Variants in ZNF727 observed in about 807,000 individuals in gnomAD.
ZNF727 encodes the protein putative zinc finger protein 727.
ZNF727 carries 11 observed loss-of-function variants against 11.5 expected under a neutral mutation model. The observed-to-expected ratio is 0.95, with a 90% confidence interval of 0.60 to 1.58. The LOEUF (loss-of-function observed/expected upper bound fraction) is 1.58, where lower values mean the gene tolerates loss of function less well. ZNF727 is among the 40% of genes most tolerant of loss of function. ZNF727 has a pLI of 0.00. For synonymous variants in ZNF727, 171 were observed against 196.1 expected, an observed-to-expected ratio of 0.87 and a Z score of 1.07; for missense variants, 533 against 581.7, an observed-to-expected ratio of 0.92 and a Z score of 0.86.
chr7:64,071,597 G>A (rs1319422631), intron 3 of ZNF727, among the ~76,000 whole-genome samples: 5 of 151,900 alleles, frequency 3.3e-5, no homozygotes, highest in African/African-American at 1.2e-4. Flanking sequence ...GTTTTAGTTT[G>A]ATGCAGTTTA....
intron 1 of ZNF727, among the ~76,000 whole-genome samples, chr7:64,063,518 G>GGC (rs1789812172): frequency 6.6e-6 from 1 of 151,750 alleles, no homozygotes; most frequent in Non-Finnish European, 1.5e-5. Flanking sequence ...TGGAGCTGGA[G>GGC]TGGGTGTAAC....
chr7:64,046,847 G>A (rs1789515376), intron 1 of ZNF727, among the ~76,000 whole-genome samples: 1 of 152,190 alleles, frequency 6.6e-6, no homozygotes, highest in South Asian at 2.1e-4. Context: ...AGAGGTATGA[G>A]GAAGCAAACC....
chr7:64,062,890 T>C (rs1355624117), intron 1 of ZNF727, among the ~76,000 whole-genome samples: 1 of 151,270 alleles, frequency 6.6e-6, no homozygotes, highest in African/African-American at 2.4e-5. Flanking sequence ...AGTTCTGCTG[T>C]TGAGAGACTC....
At position 64,083,339 on chromosome 7, in the gene ZNF727, G is replaced by A. The variant is rs528996437; in HGVS notation, c.*4790G>A. On this transcript the variant is annotated 3_prime_UTR_variant, in exon 4 of 4. Transcript: ENST00000456806. ...GGTAGCTCCATCCCAGGGAGGTACC[G>A]TACTGCTACCAATGGTTGGCTGGAA... Among the ~76,000 whole-genome samples the A allele has an allele frequency of 2.4e-4, 37 of 152,328 alleles. No homozygotes were observed. The highest frequency in any genetic ancestry group is 3.3e-4 in the Admixed American group (5 of 15,298).
intron 3 of ZNF727, among the ~76,000 whole-genome samples, chr7:64,075,122 G>A (rs1462051002): frequency 6.6e-6 from 1 of 151,950 alleles, no homozygotes; most frequent in Admixed American, 6.6e-5. Context: ...CATACAAAAT[G>A]TTATCAGCAT....
rs1174320444 is a variant in ZNF727, at chr7:64,082,749, G to T, written c.*4200G>T. Among the ~76,000 whole-genome samples the T allele has an allele frequency of 1.3e-5, 2 of 152,158 alleles. No individual in the cohort carries two copies. The highest frequency in any genetic ancestry group is 2.4e-5 in the African/African-American group (1 of 41,448). ...AAAAGAAAATTAGCCAGGTGTGGCGGCATGCACCAGTAGTCTCAGCTAATC... is the reference window on the plus strand; with the variant it reads ...AAAAGAAAATTAGCCAGGTGTGGCGTCATGCACCAGTAGTCTCAGCTAATC... On this transcript the variant is annotated 3_prime_UTR_variant, in exon 4 of 4. Transcript: ENST00000456806.
chr7:64,063,964 A>G (rs1450097015), intron 1 of ZNF727, among the ~76,000 whole-genome samples: 1 of 151,936 alleles, frequency 6.6e-6, no homozygotes, highest in Non-Finnish European at 1.5e-5. Context: ...GTGAGGACCC[A>G]AGGGATCTTG....
At chr7:64,050,711 A>G (rs1307782385) in intron 1 of ZNF727, among the ~76,000 whole-genome samples, 3 of 152,042 alleles carry the variant, frequency 2.0e-5, no homozygotes, top group Non-Finnish European at 4.4e-5. Context: ...AAAAGACCTT[A>G]TATGAAAAAA....
In ZNF727 at chr7:64,083,257, A is replaced by G. The variant is rs1470212425; in HGVS notation, c.*4708A>G. Among the ~76,000 whole-genome samples, 1 of 152,068 alleles carries G rather than the reference A, an allele frequency of 6.6e-6. No homozygotes were observed. The highest frequency in any genetic ancestry group is 2.4e-5 in the African/African-American group (1 of 41,398). On this transcript the variant is annotated 3_prime_UTR_variant, in exon 4 of 4. Transcript: ENST00000456806. ...ATCAGCTTGGGCTCTTCAACACATG[A>G]AGGTTGGAATGGCTAAGTTGCCCAA...
chr7:64,074,273 C>A (rs1562797308), intron 3 of ZNF727, among the ~76,000 whole-genome samples: 1 of 152,102 alleles, frequency 6.6e-6, no homozygotes, highest in Non-Finnish European at 1.5e-5. Flanking sequence ...CTTGAAAAAC[C>A]TCTTACTGTC....
chr7:64,048,405 G>C (rs1043336621), intron 1 of ZNF727, among the ~76,000 whole-genome samples: 48 of 152,288 alleles, frequency 3.2e-4, no homozygotes, highest in African/African-American at 1.1e-3. Flanking sequence ...GGAAATGTCT[G>C]TCTCATGATG....
chr7:64,084,679 A>C lies in ZNF727; in HGVS notation c.*6130A>C, dbSNP rs1785846692. On this transcript the variant is annotated 3_prime_UTR_variant, in exon 4 of 4. Coordinates refer to ENST00000456806, the MANE Select transcript of ZNF727 (RefSeq NM_001159522.3). ...ACAACTATTTACAAAATTTTATCCT[A>C]CTTTTTTCTGTTGAAAATATGACTT... is the stretch of plus-strand genomic sequence containing the variant. Among the ~76,000 whole-genome samples the C allele has an allele frequency of 6.6e-6, 1 of 152,174 alleles. No homozygotes were observed. The highest frequency in any genetic ancestry group is 2.4e-5 in the African/African-American group (1 of 41,458).
intron 1 of ZNF727, 134 bp downstream of exon 1, chr7:64,045,758 C>T: frequency 1.8e-6 from 2 of 1,139,346 alleles, no homozygotes; most frequent in Non-Finnish European, 1.3e-6. Context: ...CAGTTCAGTC[C>T]TCACTTCCCT....
chr7:64,069,648 G>A, intron 3 of ZNF727, 39 bp downstream of exon 3: 1 of 1,467,150 alleles, frequency 6.8e-7, no homozygotes, highest in Non-Finnish European at 9.3e-7. Flanking sequence ...ATAAATGACG[G>A]TTCCCAATGT....
rs554866670 is a variant in ZNF727 at position 64,077,823 on chromosome 7, C to G, written c.774C>G (p.Cys258Trp). Residue 258 changes from cysteine to tryptophan, a missense_variant, in exon 4 of 4, where the codon TGC becomes TGG. By Grantham distance (215) the Cys-to-Trp change is radical (BLOSUM62 -2). This residue lies in a region of ZNF727 where 463 missense variants were observed against 494.5 expected (regional missense o/e 0.94). Coordinates refer to ENST00000456806, the MANE Select transcript of ZNF727 (RefSeq NM_001159522.3). ...ATACTGGAGACAGACCCTACAAATG[C>G]GAAGAATGTCACAAAGCCTTTAGGT... ...RNHTGDRPYK[C>W]EECHKAFRCC... The G allele has an allele frequency of 1.3e-6, 2 of 1,567,034 alleles. No homozygotes were observed. The highest frequency in any genetic ancestry group is 1.7e-6 in the Non-Finnish European group (2 of 1,156,004).
At chr7:64,048,866 G>A (rs1789548953) in intron 1 of ZNF727, among the ~76,000 whole-genome samples, 1 of 152,116 alleles carries the variant, frequency 6.6e-6, no homozygotes, top group South Asian at 2.1e-4. Context: ...CAGATAATTA[G>A]CAGATTTTTT....
intron 2 of ZNF727, 33 bp downstream of exon 2, chr7:64,069,050 T>C (rs775664146): frequency 1.3e-6 from 2 of 1,499,182 alleles, no homozygotes; most frequent in Non-Finnish European, 1.8e-6. Flanking sequence ...ACTCATATTC[T>C]ACATTAAATA....
Position 64,084,902 on chromosome 7 carries a change from T to C in ZNF727, c.*6353T>C, listed in dbSNP as rs187847280. 1.5e-4 allele frequency among the ~76,000 whole-genome samples: 23 copies of C among 152,308 alleles called. No homozygotes were observed. In the East Asian group the frequency reaches 4.0e-3, roughly 27 times the overall value. On this transcript the variant is annotated 3_prime_UTR_variant, in exon 4 of 4. Coordinates refer to ENST00000456806, the MANE Select transcript of ZNF727 (RefSeq NM_001159522.3). The stretch of plus-strand genomic sequence containing the variant: ...ACAGATAATTTTACATGTGTTGATA[T>C]CTTGCCAGCAAACCAGTAATTTCAA...
Position 64,077,786 on chromosome 7 carries a change from A to C in ZNF727, c.737A>C (p.His246Pro), listed in dbSNP as rs1562798547. Residue 246 changes from histidine to proline, a missense_variant, in exon 4 of 4, where the codon CAC becomes CCC. By Grantham distance (77) the His-to-Pro change is moderately conservative. Transcript: ENST00000456806. Reference protein sequence around the residue: ...TFTCSSALTKHKRNHTGDRPY... With the variant: ...TFTCSSALTKPKRNHTGDRPY... ...ACCTGTTCCTCAGCCCTTACTAAAC[A>C]CAAGAGAAATCATACTGGAGACAGA... 2 of 1,573,168 alleles carry C rather than the reference A, an allele frequency of 1.3e-6. No individual in the cohort carries two copies. Among genetic ancestry groups the C allele is most frequent in the Non-Finnish European group, 1.7e-6 (2 of 1,158,850 alleles).
Sources: allele counts gnomAD v4.1 joint callset (sites outside exome capture counted in the v4.1 genomes callset), GRCh38; gene constraint gnomAD v4.1.1; regional missense constraint gnomAD v4.1.1; transcripts MANE v1.5; gene names NCBI Gene and HGNC (gene_info 2026-07-23, HGNC 2026-07-21).